Variants in PLD5 observed in about 807,000 individuals in gnomAD.
The protein encoded by PLD5 is inactive phospholipase D5.
Under a neutral mutation model 61.1 loss-of-function variants are expected in PLD5, and 36 were observed. That is an observed-to-expected ratio of 0.59 (90% CI 0.45 to 0.78). The LOEUF (loss-of-function observed/expected upper bound fraction) is 0.78, where lower values mean the gene tolerates loss of function less well. Among genes scored for constraint, PLD5 ranks in the 30% least tolerant of loss-of-function variants. The probability of loss-of-function intolerance (pLI) is 0.00; values close to 1 mark genes in which losing one functional copy is unlikely to be tolerated. For synonymous variants in PLD5, 243 were observed against 242.8 expected, an observed-to-expected ratio of 1.00 and a Z score of -0.01; for missense variants, 515 against 644.4, an observed-to-expected ratio of 0.80 and a Z score of 2.17.
intron 1 of PLD5, among the ~76,000 whole-genome samples, chr1:242,456,760 G>T (rs1666955985): frequency 6.6e-6 from 1 of 152,170 alleles, no homozygotes; most frequent in Admixed American, 6.5e-5. Context: ...AACATCAGAA[G>T]ATCTGGCCCC....
At chr1:242,209,318 G>C (rs532808854) in intron 5 of PLD5, 1 of 152,278 alleles carries the variant, frequency 6.6e-6, no homozygotes, top group Admixed American at 6.5e-5. Context: ...GGAATTCTAG[G>C]GGAGCACCTG....
chr1:242,483,610 G>C (rs976171917), intron 1 of PLD5, among the ~76,000 whole-genome samples: 1 of 151,994 alleles, frequency 6.6e-6, no homozygotes, highest in Non-Finnish European at 1.5e-5. Flanking sequence ...AGTAATAATG[G>C]GAGACTTTAA....
At chr1:242,456,088 A>G (rs1383037732) in intron 1 of PLD5, among the ~76,000 whole-genome samples, 1 of 152,084 alleles carries the variant, frequency 6.6e-6, no homozygotes, top group Admixed American at 6.5e-5. Flanking sequence ...TTGATTTATA[A>G]GCTTCATATA....
rs1319179998 is a variant in PLD5, at chr1:242,085,168, G to A, written c.*4686C>T. On this transcript the variant is annotated 3_prime_UTR_variant, in exon 10 of 10. Coordinates refer to ENST00000536534, the MANE Select transcript of PLD5 (RefSeq NM_001372062.1). ...ACATTAAAAATTCAAGATACCTTTTGTAACAGAATTAGAAGTTTAGTAGTT... is the reference window on the plus strand; with the variant it reads ...ACATTAAAAATTCAAGATACCTTTTATAACAGAATTAGAAGTTTAGTAGTT... 1 of 151,964 alleles carries A rather than the reference G, an allele frequency of 6.6e-6. No individual in the cohort carries two copies. Among genetic ancestry groups the A allele is most frequent in the East Asian group, 1.9e-4 (1 of 5,196 alleles). The allele number at this position is 151,964 out of a possible 1,614,324, so 9.4% of individuals were successfully genotyped here.
intron 4 of PLD5, among the ~76,000 whole-genome samples, chr1:242,228,757 G>A (rs1416241012): frequency 6.6e-6 from 1 of 151,908 alleles, no homozygotes; most frequent in Non-Finnish European, 1.5e-5. Flanking sequence ...CCAGGAGAGA[G>A]CAAACCATAG....
chr1:242,134,863 A>G (rs1175745133), intron 5 of PLD5, among the ~76,000 whole-genome samples: 3 of 152,204 alleles, frequency 2.0e-5, no homozygotes, highest in Non-Finnish European at 4.4e-5. Context: ...GTGAAGTTCC[A>G]GAAACATTGC....
intron 2 of PLD5, 30 bp downstream of exon 2, chr1:242,348,076 A>T (rs1242140497): frequency 6.2e-7 from 1 of 1,609,320 alleles, no homozygotes; most frequent in South Asian, 1.1e-5. Flanking sequence ...CCCGCCCCCT[A>T]AAAGAGAATT....
chr1:242,282,635 T>C (rs1374797891), intron 3 of PLD5, among the ~76,000 whole-genome samples: 1 of 152,192 alleles, frequency 6.6e-6, no homozygotes, highest in Non-Finnish European at 1.5e-5. Flanking sequence ...TTAATTATTT[T>C]ATAGGTTCCT....
chr1:242,163,026 T>C (rs1393097575), intron 5 of PLD5, among the ~76,000 whole-genome samples: 1 of 152,162 alleles, frequency 6.6e-6, no homozygotes, highest in African/African-American at 2.4e-5. Flanking sequence ...TGTTTATTAG[T>C]TTGTTCTGGT....
At chr1:242,194,933 G>T (rs945147468) in intron 5 of PLD5, among the ~76,000 whole-genome samples, 1 of 152,090 alleles carries the variant, frequency 6.6e-6, no homozygotes, top group African/African-American at 2.4e-5. Flanking sequence ...AGTGTATACT[G>T]CTCGGGAGAT....
At chr1:242,142,738 CTCTCTCTG>C (rs992152092) in intron 5 of PLD5, among the ~76,000 whole-genome samples, 13 of 150,868 alleles carry the variant, frequency 8.6e-5, no homozygotes, top group African/African-American at 3.2e-4. Flanking sequence ...CTCTCTCTCT[CTCTCTCTG>C]TCTCTATCTC....
intron 3 of PLD5, among the ~76,000 whole-genome samples, chr1:242,279,442 C>G (rs1203672868): frequency 6.6e-6 from 1 of 152,116 alleles, no homozygotes; most frequent in Non-Finnish European, 1.5e-5. Flanking sequence ...TTAAAATCTC[C>G]CCAGGTGACT....
chr1:242,096,759 T>G (rs970455969), intron 9 of PLD5, among the ~76,000 whole-genome samples: 1 of 151,946 alleles, frequency 6.6e-6, no homozygotes, highest in African/African-American at 2.4e-5. Context: ...TTATTTTTAT[T>G]ATATTTTAAG....
At chr1:242,198,251 A>T (rs1482085350) in intron 5 of PLD5, among the ~76,000 whole-genome samples, 6 of 152,222 alleles carry the variant, frequency 3.9e-5, no homozygotes, top group Non-Finnish European at 8.8e-5. Flanking sequence ...TGAGAATAAC[A>T]TCAGGATCAT....
chr1:242,461,298 T>A (rs1216273955), intron 1 of PLD5, among the ~76,000 whole-genome samples: 2 of 152,208 alleles, frequency 1.3e-5, no homozygotes, highest in East Asian at 3.9e-4. Context: ...GATCTCAACC[T>A]GGCATAGTGA....
At chr1:242,319,763 A>G (rs1658262761) in intron 2 of PLD5, among the ~76,000 whole-genome samples, 2 of 151,916 alleles carry the variant, frequency 1.3e-5, no homozygotes, top group South Asian at 4.2e-4. Flanking sequence ...TGCCTCCTCT[A>G]CCCTCTGTTA....
intron 5 of PLD5, among the ~76,000 whole-genome samples, chr1:242,190,833 G>A (rs1668227659): frequency 6.6e-6 from 1 of 152,194 alleles, no homozygotes. Context: ...AACGTCAATT[G>A]TGTTAGTAGC....
intron 5 of PLD5, among the ~76,000 whole-genome samples, chr1:242,133,415 C>T (rs948542546): frequency 2.0e-5 from 3 of 152,168 alleles, no homozygotes; most frequent in African/African-American, 7.2e-5. Flanking sequence ...AGCCTGCTCC[C>T]ACTTTGTGGA....
At chr1:242,328,862 C>G (rs762904341) in intron 2 of PLD5, among the ~76,000 whole-genome samples, 75 of 152,216 alleles carry the variant, frequency 4.9e-4, no homozygotes, top group Non-Finnish European at 1.0e-3. Flanking sequence ...GTTAGAGCAA[C>G]TTTCTGTCTC....
Sources: gnomAD v4.1 joint callset for allele counts (sites outside exome capture counted in the v4.1 genomes callset) on GRCh38, gnomAD v4.1.1 for gene constraint, MANE v1.5 for transcripts, NCBI Gene and HGNC (gene_info 2026-07-23, HGNC 2026-07-21) for gene names.